Variants in ARHGEF16 observed in about 807,000 individuals in gnomAD.
ARHGEF16 encodes Rho guanine exchange factor (GEF) 16.
A neutral mutation model predicts 74.1 loss-of-function variants in ARHGEF16; 59 were observed. The observed-to-expected ratio is 0.80, with a 90% CI of 0.65 to 0.99. The LOEUF (loss-of-function observed/expected upper bound fraction) is 0.99, where lower values mean the gene tolerates loss of function less well. Ranked by LOEUF, ARHGEF16 falls within the 50% of genes least tolerant of loss-of-function variation. ARHGEF16 has a pLI of 0.00. For missense variants in ARHGEF16, 948 were observed against 986.6 expected (o/e 0.96, Z 0.52); for synonymous variants, 415 against 412.6 (o/e 1.01, Z -0.07).
intron 12 of ARHGEF16, 81 bp from the exon 13 acceptor site, chr1:3,479,436 T>A (rs78477458): frequency 2.5e-5 from 36 of 1,425,926 alleles, no homozygotes; most frequent in East Asian, 1.0e-4. Flanking sequence ...ACGGCCCCCA[T>A]GGGTGGCTGT....
intron 12 of ARHGEF16, 135 bp downstream of exon 12, chr1:3,478,747 G>T (rs1639970337): frequency 1.9e-6 from 2 of 1,046,320 alleles, no homozygotes; most frequent in Non-Finnish European, 2.7e-6. Context: ...CCTGCTGTAG[G>T]TGCTGAGGTA....
At chr1:3,456,753 G>A (rs576797027) in intron 1 of ARHGEF16, among the ~76,000 whole-genome samples, 3 of 152,252 alleles carry the variant, frequency 2.0e-5, no homozygotes, top group East Asian at 1.9e-4. Flanking sequence ...TCAGAGGCAG[G>A]CTCTGATTCC....
At chr1:3,474,077 T>C (rs1639815741) in intron 8 of ARHGEF16, 1 of 192,370 alleles carries the variant, frequency 5.2e-6, no homozygotes, top group African/African-American at 2.3e-5. Context: ...ACAATGCATA[T>C]GTATGGATGC....
intron 3 of ARHGEF16, among the ~76,000 whole-genome samples, chr1:3,466,497 G>A (rs1368018149): frequency 6.6e-6 from 1 of 152,126 alleles, no homozygotes; most frequent in Non-Finnish European, 1.5e-5. Context: ...TACAGTGGCC[G>A]TGTTGGGGGA....
At chr1:3,462,582 G>A (rs1639425966) in intron 1 of ARHGEF16, among the ~76,000 whole-genome samples, 1 of 152,182 alleles carries the variant, frequency 6.6e-6, no homozygotes, top group Non-Finnish European at 1.5e-5. Flanking sequence ...CATGACCCTT[G>A]CGTTCACCAC....
intron 2 of ARHGEF16, among the ~76,000 whole-genome samples, chr1:3,464,430 C>A (rs1639486272): frequency 6.6e-6 from 1 of 152,196 alleles, no homozygotes; most frequent in African/African-American, 2.4e-5. Context: ...CCAGCCAGGA[C>A]TGCGACTCTG....
In ARHGEF16 at chr1:3,473,388, T is replaced by C; in HGVS notation, c.1176-5T>C. ...GCCTGGAAGGACAGCCTTGTCCTCTTGCAGAAGCAGCAACGCCGCCTTCCG... is the reference window on the plus strand; with the variant it reads ...GCCTGGAAGGACAGCCTTGTCCTCTCGCAGAAGCAGCAACGCCGCCTTCCG... On this transcript the variant is annotated splice_region_variant and splice_polypyrimidine_tract_variant and intron_variant, in intron 7 of 14. Coordinates refer to ENST00000378378, the MANE Select transcript of ARHGEF16 (RefSeq NM_014448.4). The C allele has an allele frequency of 6.2e-7, 1 of 1,602,480 alleles. No homozygotes were observed. The highest frequency in any genetic ancestry group is 8.5e-7 in the Non-Finnish European group (1 of 1,173,812).
intron 1 of ARHGEF16, among the ~76,000 whole-genome samples, chr1:3,462,058 C>T (rs1372514207): frequency 3.1e-5 from 4 of 129,194 alleles, no homozygotes; most frequent in East Asian, 2.4e-4. Context: ...GAGATGGGCT[C>T]GGGGGCACGC....
chr1:3,480,346 TAGG>T, intron 14 of ARHGEF16, 99 bp from the exon 15 acceptor site: 1 of 1,515,264 alleles, frequency 6.6e-7, no homozygotes, highest in Middle Eastern at 1.9e-4. Context: ...TGGTCAGTTC[TAGG>T]AGAAGCCTGG....
rs576040381 is a variant in ARHGEF16, at chr1:3,478,000, T to C, written c.1599T>C (p.Asp533=). 1.2e-5 allele frequency: 19 copies of C among 1,612,706 alleles called. No individual in the cohort carries two copies. The highest frequency in any genetic ancestry group is 1.1e-4 in the African/African-American group (8 of 75,058). The change falls in exon 11 of 15, where the codon GAT becomes GAC. Residue 533 remains aspartate (D), a synonymous_variant. Coordinates refer to ENST00000378378, the MANE Select transcript of ARHGEF16 (RefSeq NM_014448.4). ...RPTCYLFLFN[D]VLVVTKKKSE... is the part of the protein sequence containing the mutation. ...CGTGCTACCTTTTCCTGTTCAACGA[T>C]GTCCTGGTTGTGACCAAGAAGAAGA...
At chr1:3,478,952 A>AGAGGCCCCGAGGCAG (rs1260907376) in intron 12 of ARHGEF16, among the ~76,000 whole-genome samples, 2 of 151,256 alleles carry the variant, frequency 1.3e-5, no homozygotes, top group African/African-American at 4.9e-5. Context: ...GTTGCTCAGC[A>AGAGGCCCCGAGGCAG]GAGGCCCCGA....
At chr1:3,479,292 C>T (rs1639987579) in intron 12 of ARHGEF16, among the ~76,000 whole-genome samples, 1 of 152,114 alleles carries the variant, frequency 6.6e-6, no homozygotes, top group African/African-American at 2.4e-5. Flanking sequence ...GCCTCAGGTC[C>T]AGCAGGCTGG....
Position 3,467,332 on chromosome 1 carries a change from C to T in ARHGEF16, c.799C>T (p.Pro267Ser), listed in dbSNP as rs555229648. The T allele has an allele frequency of 3.9e-6, 6 of 1,548,920 alleles. No individual in the cohort carries two copies. In the East Asian group the frequency reaches 9.8e-5, roughly 25 times the overall value. ...RPAQVTWSQL[P>S]EVVELGILDQ... is the part of the protein sequence containing the mutation. ...CGCCCAGGTCACCTGGAGCCAGCTC[C>T]CAGAGGTAGCGCCGGAGGGTGGGTG... is the stretch of plus-strand genomic sequence containing the variant. The change falls in exon 4 of 15, where the codon CCA becomes TCA. Residue 267 changes from proline to serine, a missense_variant. By Grantham distance (74) the Pro-to-Ser change is moderately conservative. Transcript: ENST00000378378.
chr1:3,462,315 G>A (rs564209967), intron 1 of ARHGEF16, among the ~76,000 whole-genome samples: 4 of 152,314 alleles, frequency 2.6e-5, no homozygotes, highest in Non-Finnish European at 4.4e-5. Context: ...GTTCAGAAAC[G>A]TGGAAAAATG....
chr1:3,480,973 C>G lies in ARHGEF16; in HGVS notation c.*386C>G, dbSNP rs1640042869. Reference sequence around the variant, plus strand: ...TGCGAGGTCTCCTCCTATGCCCTTCCTACCCCTGAGTGGGACAAGAAGGGC... The same window carrying G: ...TGCGAGGTCTCCTCCTATGCCCTTCGTACCCCTGAGTGGGACAAGAAGGGC... On this transcript the variant is annotated 3_prime_UTR_variant, in exon 15 of 15. Coordinates refer to ENST00000378378, the MANE Select transcript of ARHGEF16 (RefSeq NM_014448.4). 1 of 212,436 alleles carries G rather than the reference C, an allele frequency of 4.7e-6. No homozygotes were observed. Among genetic ancestry groups the G allele is most frequent in the Non-Finnish European group, 9.3e-6 (1 of 107,468 alleles). 13.2% of individuals were successfully genotyped at this position (212,436 alleles called of 1,614,324 possible).
chr1:3,458,699 G>A (rs1278678449), intron 1 of ARHGEF16, among the ~76,000 whole-genome samples: 1 of 152,236 alleles, frequency 6.6e-6, no homozygotes, highest in Non-Finnish European at 1.5e-5. Context: ...CCCTGTGCCT[G>A]AGAGACAGAG....
intron 2 of ARHGEF16, among the ~76,000 whole-genome samples, chr1:3,464,955 G>A (rs1004768570): frequency 4.6e-5 from 7 of 152,200 alleles, no homozygotes; most frequent in East Asian, 1.9e-4. Context: ...TGGCTGAGGT[G>A]GGGTCCCCCA....
intron 2 of ARHGEF16, among the ~76,000 whole-genome samples, chr1:3,464,757 C>T (rs1002159966): frequency 2.0e-5 from 3 of 152,212 alleles, no homozygotes; most frequent in Non-Finnish European, 2.9e-5. Flanking sequence ...AGATCACAGC[C>T]GCCCTCTGGG....
chr1:3,462,984 T>C (rs1639438443), intron 1 of ARHGEF16, 82 bp from the exon 2 acceptor site: 1 of 984,984 alleles, frequency 1.0e-6, no homozygotes, highest in African/African-American at 1.6e-5. Context: ...CGGCCAGACA[T>C]ATGCAAAGGG....
Sources: allele counts gnomAD v4.1 joint callset (sites outside exome capture counted in the v4.1 genomes callset), GRCh38; gene constraint gnomAD v4.1.1; transcripts MANE v1.5; gene names NCBI Gene and HGNC (gene_info 2026-07-23, HGNC 2026-07-21).